The following FTCDNL1 variants were observed in gnomAD, a reference collection of about 807,000 sequenced individuals.
FTCDNL1 encodes formiminotransferase N-terminal subdomain-containing protein.
FTCDNL1 carries 11 observed loss-of-function variants against 5.9 expected under a neutral mutation model. The observed-to-expected ratio is 1.87, with a 90% CI of 1.18 to 3.10. FTCDNL1 has a LOEUF of 3.10. FTCDNL1 is among the 30% of genes most tolerant of loss of function. The pLI is 0.00. For missense variants in FTCDNL1, 115 were observed against 65.5 expected (o/e 1.76, Z -2.61); for synonymous variants, 58 against 24.8 (o/e 2.34, Z -3.99).
At chr2:199,674,266 A>C in the FTCDNL1 span, among the ~76,000 whole-genome samples, 15 of 152,144 alleles carry the variant, frequency 9.9e-5, no homozygotes, top group East Asian at 2.9e-3. Context: ...AAGACAGTAC[A>C]ATGCCATGAC....
the FTCDNL1 span, among the ~76,000 whole-genome samples, chr2:199,684,007 T>C: frequency 1.3e-5 from 2 of 152,232 alleles, no homozygotes; most frequent in Admixed American, 6.5e-5. Flanking sequence ...CAATCCATAA[T>C]ATAGAGCCAG....
At chr2:199,728,303 A>C in the FTCDNL1 span, among the ~76,000 whole-genome samples, 2 of 151,190 alleles carry the variant, frequency 1.3e-5, no homozygotes, top group African/African-American at 4.9e-5. Context: ...ACTGGAGTGC[A>C]GTGGTGCAAT....
chr2:199,781,536 C>A (rs1021630322), intron 3 of FTCDNL1, among the ~76,000 whole-genome samples: 7 of 152,058 alleles, frequency 4.6e-5, no homozygotes, highest in Non-Finnish European at 1.0e-4. Context: ...ACACAATAGA[C>A]CAGTAAGATA....
At chr2:199,773,315 C>G (rs1413203111) in intron 3 of FTCDNL1, among the ~76,000 whole-genome samples, 1 of 152,020 alleles carries the variant, frequency 6.6e-6, no homozygotes, top group African/African-American at 2.4e-5. Context: ...GGCTTGGACT[C>G]CATTTTATTA....
the FTCDNL1 span, among the ~76,000 whole-genome samples, chr2:199,744,437 C>T: frequency 6.7e-6 from 1 of 148,826 alleles, no homozygotes; most frequent in African/African-American, 2.4e-5. Flanking sequence ...CACAAACACA[C>T]ACACACACAG....
intron 4 of FTCDNL1, among the ~76,000 whole-genome samples, chr2:199,815,420 C>A (rs1382748414): frequency 6.6e-6 from 1 of 152,092 alleles, no homozygotes; most frequent in African/African-American, 2.4e-5. Flanking sequence ...CTGTACTGTA[C>A]AGTTGATAGC....
At chr2:199,813,946 C>CT (rs1701197869) in intron 4 of FTCDNL1, among the ~76,000 whole-genome samples, 1 of 126,796 alleles carries the variant, frequency 7.9e-6, no homozygotes, top group Non-Finnish European at 1.7e-5. Flanking sequence ...AAAAAAAATA[C>CT]TTTTTTACTG....
intron 3 of FTCDNL1, among the ~76,000 whole-genome samples, chr2:199,789,268 A>G (rs1383709704): frequency 6.6e-6 from 1 of 152,182 alleles, no homozygotes; most frequent in Non-Finnish European, 1.5e-5. Flanking sequence ...ATCCCAAAGG[A>G]GTAATATGAT....
Position 199,776,852 on chromosome 2 carries a change from C to A in FTCDNL1, c.212-16017G>T, listed in dbSNP as rs758108516. ...ATTATATATTCCCTATATATACACA[C>A]ACACATATATGTGTCTATGTATACG... On this transcript the variant is annotated intron_variant, in intron 3 of 3. Transcript: ENST00000416668. 4.2e-4 allele frequency among the ~76,000 whole-genome samples: 63 copies of A among 151,612 alleles called. 1 individual carries two copies. The highest frequency in any genetic ancestry group is 6.9e-4 in the Non-Finnish European group (47 of 67,844).
At chr2:199,736,810 A>G in the FTCDNL1 span, among the ~76,000 whole-genome samples, 1 of 152,238 alleles carries the variant, frequency 6.6e-6, no homozygotes, top group African/African-American at 2.4e-5. Context: ...GAGTTCAGGC[A>G]CCAACCAACC....
the FTCDNL1 span, among the ~76,000 whole-genome samples, chr2:199,676,095 A>G: frequency 6.6e-6 from 1 of 152,294 alleles, no homozygotes; most frequent in African/African-American, 2.4e-5. Flanking sequence ...CATACATCTG[A>G]TTATATCCCA....
chr2:199,801,274 TC>T (rs1700432734), intron 3 of FTCDNL1, among the ~76,000 whole-genome samples: 1 of 152,130 alleles, frequency 6.6e-6, no homozygotes, highest in Non-Finnish European at 1.5e-5. Context: ...ACTCAACTTC[TC>T]CTTTATTTGA....
the FTCDNL1 span, among the ~76,000 whole-genome samples, chr2:199,708,806 A>C: frequency 6.6e-6 from 1 of 152,148 alleles, no homozygotes; most frequent in African/African-American, 2.4e-5. Context: ...ATGAAGTTTA[A>C]CCTTATTTGT....
chr2:199,772,944 C>T (rs1436099421), intron 3 of FTCDNL1, among the ~76,000 whole-genome samples: 2 of 152,136 alleles, frequency 1.3e-5, no homozygotes, highest in Admixed American at 1.3e-4. Flanking sequence ...GCAGTAATTG[C>T]AAGTGGAGCT....
intron 3 of FTCDNL1, among the ~76,000 whole-genome samples, chr2:199,775,037 T>C (rs1334814908): frequency 1.3e-5 from 2 of 152,196 alleles, no homozygotes; most frequent in African/African-American, 4.8e-5. Context: ...GTAATAATAG[T>C]TTCAGTGCTA....
chr2:199,689,006 G>A, the FTCDNL1 span, among the ~76,000 whole-genome samples: 2 of 152,176 alleles, frequency 1.3e-5, no homozygotes, highest in African/African-American at 4.8e-5. Flanking sequence ...CCAAGATCAT[G>A]CCACTGCACA....
intron 3 of FTCDNL1, among the ~76,000 whole-genome samples, chr2:199,803,347 G>A (rs1298820109): frequency 6.6e-6 from 1 of 152,136 alleles, no homozygotes. Context: ...CTAACTGGAT[G>A]TACAATTTCG....
chr2:199,803,512 G>T (rs774557881), intron 3 of FTCDNL1, among the ~76,000 whole-genome samples: 1 of 152,130 alleles, frequency 6.6e-6, no homozygotes, highest in Non-Finnish European at 1.5e-5. Context: ...CTCTGTCACC[G>T]AGGATAGAAT....
At chr2:199,731,673 G>A in the FTCDNL1 span, among the ~76,000 whole-genome samples, 8 of 152,178 alleles carry the variant, frequency 5.3e-5, no homozygotes, top group African/African-American at 1.9e-4. Context: ...CGGATCACGA[G>A]GTCAGGAGAT....
Sources: allele counts gnomAD v4.1 joint callset (sites outside exome capture counted in the v4.1 genomes callset), GRCh38; gene constraint gnomAD v4.1.1; transcripts MANE v1.5; gene names NCBI Gene and HGNC (gene_info 2026-07-23, HGNC 2026-07-21).